RAB27A: variants seen among roughly 807,000 people sequenced by gnomAD.
The protein encoded by RAB27A is ras-related protein Rab-27A.
RAB27A carries 17 observed loss-of-function variants against 20.8 expected under a neutral mutation model. That is an observed-to-expected ratio of 0.82 (90% confidence interval 0.56 to 1.23). The LOEUF (loss-of-function observed/expected upper bound fraction) is 1.23. Among genes scored for constraint, RAB27A ranks in the 50% most tolerant of loss-of-function variants. The probability of loss-of-function intolerance (pLI) is 0.00; values close to 1 mark genes in which losing one functional copy is unlikely to be tolerated. For synonymous variants in RAB27A, 85 were observed against 92.8 expected, an observed-to-expected ratio of 0.92 and a Z score of 0.48; for missense variants, 277 against 266.7, an observed-to-expected ratio of 1.04 and a Z score of -0.27.
chr15:55,288,692 TAA>T, intron 1 of RAB27A, among the ~76,000 whole-genome samples: 1 of 151,600 alleles, frequency 6.6e-6, no homozygotes, highest in East Asian at 1.9e-4. Flanking sequence ...TAAACCAACA[TAA>T]AATACAGAAA....
chr15:55,291,384 C>A (rs1254018651), upstream of RAB27A, among the ~76,000 whole-genome samples: 1 of 151,820 alleles, frequency 6.6e-6, no homozygotes, highest in Non-Finnish European at 1.5e-5. Context: ...GTGGCACGCG[C>A]CTGTAGTCTC....
rs903598518 is a variant in RAB27A at position 55,204,877 on chromosome 15, T to C, written c.*630A>G. 3.9e-5 allele frequency: 6 copies of C among 153,366 alleles called. No homozygotes were observed. Among genetic ancestry groups the C allele is most frequent in the African/African-American group, 1.4e-4 (6 of 41,432 alleles). The allele number at this position is 153,366 out of a possible 1,614,324, so 9.5% of individuals were successfully genotyped here. On this transcript the variant is annotated 3_prime_UTR_variant, in exon 7 of 7. Transcript: ENST00000336787. ...CCCACCCCAATCCCCTTCCCACCAA[T>C]AAAAAAGTCACCGTGAGTGTATAAT...
chr15:55,215,639 G>T (rs1369635750), intron 6 of RAB27A, among the ~76,000 whole-genome samples: 8 of 94,082 alleles, frequency 8.5e-5, no homozygotes, highest in African/African-American at 1.6e-4. Flanking sequence ...GCGACAGAGC[G>T]AGACTCCGTC....
intron 2 of RAB27A, among the ~76,000 whole-genome samples, chr15:55,242,244 ATTTT>A (rs1198080105): frequency 3.3e-5 from 5 of 152,190 alleles, no homozygotes; most frequent in Non-Finnish European, 7.3e-5. Context: ...AATATACTTG[ATTTT>A]ATTTTATCTG....
intron 1 of RAB27A, among the ~76,000 whole-genome samples, chr15:55,276,294 T>G (rs965855794): frequency 6.6e-6 from 1 of 152,160 alleles, no homozygotes; most frequent in Non-Finnish European, 1.5e-5. Context: ...AAAAAAGAAA[T>G]AAATCCTGCC....
intron 2 of RAB27A, among the ~76,000 whole-genome samples, chr15:55,299,165 A>G (rs1566939855): frequency 6.6e-6 from 1 of 152,256 alleles, no homozygotes; most frequent in Non-Finnish European, 1.5e-5. Context: ...ATTTATGTTT[A>G]GAGATTGCAG....
At chr15:55,212,231 G>A (rs751404369) in intron 6 of RAB27A, among the ~76,000 whole-genome samples, 1 of 152,098 alleles carries the variant, frequency 6.6e-6, no homozygotes, top group Non-Finnish European at 1.5e-5. Context: ...AAAGATGAAA[G>A]GAACTTGCCC....
At chr15:55,265,150 G>C (rs918956844) in intron 2 of RAB27A, among the ~76,000 whole-genome samples, 1 of 152,186 alleles carries the variant, frequency 6.6e-6, no homozygotes. Flanking sequence ...GCTGAGGCAG[G>C]AGAAACATTT....
intron 2 of RAB27A, among the ~76,000 whole-genome samples, chr15:55,260,919 A>T (rs1157885062): frequency 1.3e-5 from 2 of 152,148 alleles, no homozygotes; most frequent in Admixed American, 6.5e-5. Flanking sequence ...ACTCCAATCT[A>T]AACTATGGAC....
intron 2 of RAB27A, among the ~76,000 whole-genome samples, chr15:55,301,393 G>T (rs772084045): frequency 6.6e-6 from 1 of 152,110 alleles, no homozygotes; most frequent in African/African-American, 2.4e-5. Context: ...AACTGCAGCT[G>T]CTAGTTTGGA....
At chr15:55,250,712 A>C (rs908075060) in intron 2 of RAB27A, among the ~76,000 whole-genome samples, 7 of 152,316 alleles carry the variant, frequency 4.6e-5, no homozygotes, top group Non-Finnish European at 1.5e-5. Context: ...AGAAGCATGA[A>C]AGGGCTATTC....
At chr15:55,296,905 A>G (rs1361851321) in intron 2 of RAB27A, among the ~76,000 whole-genome samples, 3 of 152,184 alleles carry the variant, frequency 2.0e-5, no homozygotes, top group Non-Finnish European at 4.4e-5. Context: ...TAGGTGCAGG[A>G]GGGTTCAGGG....
chr15:55,228,714 T>C lies in RAB27A; in HGVS notation c.240-2A>G. ...AACGCTGTCGTTAAGCTACGAAACC[T>C]AGGAACATAAAAGCAGAATGGTCAG... On this transcript the variant is annotated splice_acceptor_variant, in intron 4 of 6. Coordinates refer to ENST00000336787, the MANE Select transcript of RAB27A (RefSeq NM_183235.3). LOFTEE classifies it high-confidence loss of function. The C allele has an allele frequency of 6.2e-7, 1 of 1,606,468 alleles. No homozygotes were observed. Among genetic ancestry groups the C allele is most frequent in the Non-Finnish European group, 8.5e-7 (1 of 1,173,038 alleles).
At chr15:55,239,197 A>G (rs1361008804) in intron 2 of RAB27A, among the ~76,000 whole-genome samples, 1 of 152,212 alleles carries the variant, frequency 6.6e-6, no homozygotes. Flanking sequence ...TTCTACCTCT[A>G]TCGAACTGCT....
At chr15:55,211,424 TTC>T (rs2140917149) in intron 6 of RAB27A, among the ~76,000 whole-genome samples, 1 of 152,298 alleles carries the variant, frequency 6.6e-6, no homozygotes, top group African/African-American at 2.4e-5. Flanking sequence ...CCTCTTCAAT[TTC>T]TCTCACCTGT....
At chr15:55,297,052 G>A (rs1157426622) in intron 2 of RAB27A, among the ~76,000 whole-genome samples, 1 of 152,194 alleles carries the variant, frequency 6.6e-6, no homozygotes, top group Non-Finnish European at 1.5e-5. Flanking sequence ...AGCCACAAAT[G>A]CATCCAGAGA....
intron 1 of RAB27A, among the ~76,000 whole-genome samples, chr15:55,273,354 A>G (rs1897761722): frequency 6.6e-6 from 1 of 151,728 alleles, no homozygotes; most frequent in Non-Finnish European, 1.5e-5. Context: ...GGTTGCAGTG[A>G]GCCAAGATCG....
chr15:55,214,122 T>C (rs1242009222), intron 6 of RAB27A, among the ~76,000 whole-genome samples: 1 of 152,246 alleles, frequency 6.6e-6, no homozygotes, highest in Non-Finnish European at 1.5e-5. Flanking sequence ...TCTGCAATTC[T>C]CTGTTTTAGC....
Position 55,204,718 on chromosome 15 carries a change from A to C in RAB27A, c.*789T>G, listed in dbSNP as rs930846050. ...CGGCCAGCACATAGGCCAAGTATAA[A>C]TGTACAATCACAGTGAACTAAAGCC... On this transcript the variant is annotated 3_prime_UTR_variant, in exon 7 of 7. Coordinates refer to ENST00000336787, the MANE Select transcript of RAB27A (RefSeq NM_183235.3). 4 of 152,286 alleles carry C rather than the reference A, an allele frequency of 2.6e-5. No individual in the cohort carries two copies. Among genetic ancestry groups the C allele is most frequent in the African/African-American group, 9.6e-5 (4 of 41,466 alleles). 9.4% of individuals were successfully genotyped at this position (152,286 alleles called of 1,614,324 possible).
Sources: allele counts gnomAD v4.1 joint callset (sites outside exome capture counted in the v4.1 genomes callset), GRCh38; gene constraint gnomAD v4.1.1; transcripts MANE v1.5; gene names NCBI Gene and HGNC (gene_info 2026-07-23, HGNC 2026-07-21).